Variants in PRH1 observed in about 807,000 individuals in gnomAD.
PRH1 encodes proline rich protein HaeIII subfamily 1.
PRH1 carries 7 observed loss-of-function variants against 7.9 expected under a neutral mutation model. The observed-to-expected ratio is 0.89, with a 90% CI of 0.50 to 1.67. The LOEUF is 1.67. Among genes scored for constraint, PRH1 ranks in the 40% most tolerant of loss-of-function variants. The probability of loss-of-function intolerance (pLI) is 0.00; values close to 1 mark genes in which losing one functional copy is unlikely to be tolerated. For synonymous variants in PRH1, 45 were observed against 80.8 expected (o/e 0.56, Z 2.38); for missense variants, 109 against 223.6 (o/e 0.49, Z 3.27).
At chr12:11,066,714 G>T (rs1053886672) in intron 1 of PRH1, among the ~76,000 whole-genome samples, 52 of 151,630 alleles carry the variant, frequency 3.4e-4, no homozygotes, top group African/African-American at 1.2e-3. Flanking sequence ...TTTCCATCTT[G>T]TTTTTTAAGT....
chr12:11,030,462 A>G, intron 1 of PRH1: 5 of 1,614,280 alleles, frequency 3.1e-6, no homozygotes, highest in Non-Finnish European at 4.2e-6. Flanking sequence ...CGCAAAACTG[A>G]AAGAAAAGTC....
chr12:11,100,465 A>T (rs1035059432), intron 1 of PRH1, among the ~76,000 whole-genome samples: 1 of 152,226 alleles, frequency 6.6e-6, no homozygotes, highest in African/African-American at 2.4e-5. Flanking sequence ...CCTCACAGGG[A>T]AATTCAGTGA....
At chr12:11,004,994 A>C (rs1045567274) in intron 1 of PRH1, among the ~76,000 whole-genome samples, 24 of 152,274 alleles carry the variant, frequency 1.6e-4, no homozygotes, top group African/African-American at 5.5e-4. Flanking sequence ...TTTTTAAGGC[A>C]GGCCTAATAT....
chr12:11,005,757 C>T (rs1457193411), intron 1 of PRH1, among the ~76,000 whole-genome samples: 5 of 152,030 alleles, frequency 3.3e-5, no homozygotes, highest in Non-Finnish European at 1.5e-5. Context: ...TCACCCTTTT[C>T]AGTCAATTTT....
intron 1 of PRH1, among the ~76,000 whole-genome samples, chr12:10,993,477 C>CA (rs1339755428): frequency 6.6e-6 from 1 of 151,996 alleles, no homozygotes; most frequent in African/African-American, 2.4e-5. Context: ...GAAAGATGAA[C>CA]AAGAAGATTC....
chr12:10,938,229 A>G, intron 2 of PRH1: 1 of 1,442,934 alleles, frequency 6.9e-7, no homozygotes, highest in Non-Finnish European at 9.4e-7. Context: ...AGAATTTCTT[A>G]GGAGCTATTT....
At chr12:11,060,230 A>G (rs367745327) in intron 1 of PRH1, among the ~76,000 whole-genome samples, 1 of 152,038 alleles carries the variant, frequency 6.6e-6, no homozygotes, top group African/African-American at 2.4e-5. Flanking sequence ...GAATATGTCA[A>G]CCACTTTCAT....
chr12:11,094,616 T>C (rs1422174549), intron 1 of PRH1, among the ~76,000 whole-genome samples: 1 of 116,016 alleles, frequency 8.6e-6, no homozygotes, highest in Middle Eastern at 3.6e-3. Flanking sequence ...ATAAGAAAGT[T>C]CCTATTTCAA....
Position 11,167,445 on chromosome 12 carries a change from A to ATT in PRH1, n.39+3975_39+3976dup, listed in dbSNP as rs145652303. On this transcript the variant is annotated intron_variant and non_coding_transcript_variant, in intron 1 of 1. Coordinates refer to the PRH1 transcript ENST00000541175. ...TGTCTCCTATTTGGAAAGGCTTGTA[A>ATT]TTTTTTTTTTTTTTTTTGATATGGA... Among the ~76,000 whole-genome samples the ATT allele has an allele frequency of 1.7e-3, 240 of 140,440 alleles. 1 individual carries two copies. The highest frequency in any genetic ancestry group is 2.3e-3 in the Non-Finnish European group (147 of 64,830). The allele number at this position is 140,440 out of a possible 152,430, so 92.1% of individuals were successfully genotyped here.
At position 10,909,077 on chromosome 12, in the gene PRH1, G is replaced by A. The variant is rs923916867; in HGVS notation, c.-58-24802C>T. 4.3e-6 allele frequency: 7 copies of A among 1,613,394 alleles called. No homozygotes were observed. The African/African-American group carries it at 9.3e-5, about 22-fold the overall frequency. Reference sequence around the variant, plus strand: ...TTAATCCTGTTCCAGACACAAATATGGCTAGATAATGCAGAGCTAAAAACC... The same window carrying A: ...TTAATCCTGTTCCAGACACAAATATAGCTAGATAATGCAGAGCTAAAAACC... On this transcript the variant is annotated intron_variant, in intron 2 of 3. Coordinates refer to the PRH1 transcript ENST00000539853.
intron 1 of PRH1, chr12:10,986,322 G>A: frequency 6.2e-7 from 1 of 1,613,986 alleles, no homozygotes; most frequent in Non-Finnish European, 8.5e-7. Context: ...CCATAGGGTA[G>A]TTACAGTCAA....
intron 1 of PRH1, chr12:11,061,350 G>A (rs370643592): frequency 6.2e-7 from 1 of 1,606,070 alleles, no homozygotes; most frequent in Non-Finnish European, 8.5e-7. Context: ...GATACACAAT[G>A]CTGCTCTTGT....
chr12:10,978,994 A>G (rs914946903), intron 1 of PRH1, among the ~76,000 whole-genome samples: 2 of 152,186 alleles, frequency 1.3e-5, no homozygotes, highest in African/African-American at 4.8e-5. Flanking sequence ...GGAATGTAAA[A>G]CAGAAACAGC....
intron 1 of PRH1, among the ~76,000 whole-genome samples, chr12:11,114,488 G>A (rs761490505): frequency 1.6e-4 from 25 of 151,992 alleles, no homozygotes; most frequent in Non-Finnish European, 2.4e-4. Flanking sequence ...CACAGGGAAC[G>A]TCACACAACT....
In PRH1 at chr12:11,096,609, T is replaced by G. The variant is rs1945074391; in HGVS notation, n.124-49421A>C. ...AAACTCGGAAAAAACTGGAAATTGA[T>G]TTCATGTCAATAGCTTTTTTTGGAT... is the stretch of plus-strand genomic sequence containing the variant. On this transcript the variant is annotated intron_variant and non_coding_transcript_variant, in intron 1 of 4. Coordinates refer to the PRH1 transcript ENST00000541977. Among the ~76,000 whole-genome samples, 6 of 114,928 alleles carry G rather than the reference T, an allele frequency of 5.2e-5. 3 individuals carry two copies. The highest frequency in any genetic ancestry group is 1.2e-4 in the Non-Finnish European group (6 of 48,828). 75.4% of individuals were successfully genotyped at this position (114,928 alleles called of 152,430 possible). A position where few individuals can be genotyped will look rare whatever the true frequency, so the allele number is the denominator to read the frequency against.
chr12:10,934,544 G>A (rs961104065), intron 2 of PRH1, among the ~76,000 whole-genome samples: 2 of 151,918 alleles, frequency 1.3e-5, no homozygotes, highest in Non-Finnish European at 2.9e-5. Flanking sequence ...TAAATGCAAC[G>A]CTGACAATTT....
chr12:10,961,083 G>A (rs542803329), intron 2 of PRH1, among the ~76,000 whole-genome samples: 13 of 152,284 alleles, frequency 8.5e-5, no homozygotes, highest in African/African-American at 2.2e-4. Context: ...TGCTCTGCCC[G>A]TTGTGCCAGA....
intron 2 of PRH1, among the ~76,000 whole-genome samples, chr12:10,947,569 T>A (rs1320630308): frequency 6.6e-6 from 1 of 152,190 alleles, no homozygotes. Flanking sequence ...CCATTGGGTC[T>A]TGCTTTTTTA....
At chr12:11,106,541 G>A (rs1382849562) in intron 1 of PRH1, among the ~76,000 whole-genome samples, 1 of 151,560 alleles carries the variant, frequency 6.6e-6, no homozygotes, top group Admixed American at 6.6e-5. Flanking sequence ...AACTATTGTG[G>A]GCTACTTAAA....
Sources: gnomAD v4.1 joint callset for allele counts (sites outside exome capture counted in the v4.1 genomes callset) on GRCh38, gnomAD v4.1.1 for gene constraint, MANE v1.5 for transcripts, NCBI Gene and HGNC (gene_info 2026-07-23, HGNC 2026-07-21) for gene names.